CSMD1: variants seen among roughly 807,000 people sequenced by gnomAD.
CSMD1 encodes CUB and Sushi multiple domains 1.
Under a neutral mutation model 417.5 loss-of-function variants are expected in CSMD1, and 213 were observed. The ratio of observed to expected loss-of-function variants is 0.51; its 90% confidence interval spans 0.46 to 0.57. The LOEUF (loss-of-function observed/expected upper bound fraction) is 0.57. Among genes scored for constraint, CSMD1 ranks in the 20% least tolerant of loss-of-function variants. CSMD1 has a pLI of 0.00. For missense variants in CSMD1, 6,923 were observed against 4,529.7 expected (o/e 1.53, Z -15.17); for synonymous variants, 2,862 against 1,736.8 (o/e 1.65, Z -16.11).
intron 6 of CSMD1, among the ~76,000 whole-genome samples, chr8:3,721,876 A>G (rs926360397): frequency 6.6e-6 from 1 of 152,178 alleles, no homozygotes; most frequent in Non-Finnish European, 1.5e-5. Context: ...GCAGAGAATG[A>G]AGTGCCCGTT....
intron 1 of CSMD1, among the ~76,000 whole-genome samples, chr8:4,672,191 T>A (rs1398588989): frequency 6.6e-6 from 1 of 152,202 alleles, no homozygotes; most frequent in Non-Finnish European, 1.5e-5. Context: ...TCCTGGAACC[T>A]CAGGAAGAGA....
chr8:4,881,493 C>A (rs1397552718), intron 1 of CSMD1, among the ~76,000 whole-genome samples: 1 of 149,454 alleles, frequency 6.7e-6, no homozygotes, highest in East Asian at 2.0e-4. Context: ...AAACCCTTGC[C>A]TATAGAATTA....
At position 3,771,038 on chromosome 8, in the gene CSMD1, G is replaced by A. The variant is rs143926142; in HGVS notation, c.819-16996C>T. On this transcript the variant is annotated intron_variant, in intron 5 of 69. Transcript: ENST00000635120. ...TGTGTCTGTGTGTGTGTCTGCGTGC[G>A]TGTGTGTGTTTCATTTGCATGTCTG... Among the ~76,000 whole-genome samples, 948 of 152,060 alleles carry A rather than the reference G, an allele frequency of 6.2e-3. 5 individuals carry two copies. The highest frequency in any genetic ancestry group is 0.011 in the South Asian group (52 of 4,808).
intron 3 of CSMD1, among the ~76,000 whole-genome samples, chr8:4,238,815 G>A (rs1243568691): frequency 6.6e-6 from 1 of 152,072 alleles, no homozygotes; most frequent in African/African-American, 2.4e-5. Flanking sequence ...AAATGCTTTG[G>A]CCCACACTCA....
At chr8:3,399,555 T>A in intron 15 of CSMD1, 26 bp from the exon 16 acceptor site, 1 of 1,548,290 alleles carries the variant, frequency 6.5e-7, no homozygotes, top group African/African-American at 1.4e-5. Flanking sequence ...GAATATCTAT[T>A]AGATCCAATG....
chr8:4,844,719 G>T (rs755102079), intron 1 of CSMD1, among the ~76,000 whole-genome samples: 7 of 152,176 alleles, frequency 4.6e-5, no homozygotes, highest in African/African-American at 1.2e-4. Flanking sequence ...ACTAATTGTA[G>T]TGATAATTAT....
chr8:4,109,313 A>G (rs1338984966), intron 3 of CSMD1, among the ~76,000 whole-genome samples: 4 of 152,062 alleles, frequency 2.6e-5, no homozygotes, highest in African/African-American at 9.7e-5. Context: ...TTTTTTTTCT[A>G]TATTCCTCAA....
intron 23 of CSMD1, among the ~76,000 whole-genome samples, chr8:3,327,086 G>A (rs766185764): frequency 2.7e-4 from 41 of 151,440 alleles, no homozygotes; most frequent in Admixed American, 7.9e-4. Context: ...ACAGAAACAC[G>A]TGCAGAGTCA....
intron 12 of CSMD1, among the ~76,000 whole-genome samples, chr8:3,444,796 C>A (rs558081919): frequency 3.9e-5 from 6 of 152,116 alleles, no homozygotes; most frequent in Non-Finnish European, 5.9e-5. Flanking sequence ...CACCAGACAA[C>A]CAAATAATAT....
At chr8:3,355,058 T>A (rs1808691034) in intron 21 of CSMD1, among the ~76,000 whole-genome samples, 1 of 152,022 alleles carries the variant, frequency 6.6e-6, no homozygotes, top group Non-Finnish European at 1.5e-5. Flanking sequence ...AAATAACTTG[T>A]AATCCATTCA....
At chr8:3,939,339 T>G (rs1384404580) in intron 5 of CSMD1, among the ~76,000 whole-genome samples, 1 of 152,158 alleles carries the variant, frequency 6.6e-6, no homozygotes, top group Non-Finnish European at 1.5e-5. Flanking sequence ...AAAATGGTCC[T>G]AATTAAAAAG....
chr8:3,343,283 A>T lies in CSMD1; in HGVS notation c.3631+11T>A, dbSNP rs368001962. ...TGAAAAAAGAACGTGATTAAGTCGTATGTTACTTACTGGTATAGGTGAGTT... is the reference window on the plus strand; with the variant it reads ...TGAAAAAAGAACGTGATTAAGTCGTTTGTTACTTACTGGTATAGGTGAGTT... On this transcript the variant is annotated intron_variant, in intron 23 of 69. Coordinates refer to ENST00000635120, the MANE Select transcript of CSMD1 (RefSeq NM_033225.6). 1 of 1,610,526 alleles carries T rather than the reference A, an allele frequency of 6.2e-7. No homozygotes were observed. Among genetic ancestry groups the T allele is most frequent in the Non-Finnish European group, 8.5e-7 (1 of 1,177,046 alleles).
intron 37 of CSMD1, among the ~76,000 whole-genome samples, chr8:3,172,186 CT>C (rs1464393118): frequency 6.6e-6 from 1 of 152,128 alleles, no homozygotes; most frequent in African/African-American, 2.4e-5. Context: ...CTTTTTCAAC[CT>C]TCTTTCCTTT....
chr8:3,052,510 G>C lies in CSMD1; in HGVS notation c.7612C>G (p.Gln2538Glu), dbSNP rs781733656. 8 of 1,599,096 alleles carry C rather than the reference G, an allele frequency of 5.0e-6. No individual in the cohort carries two copies. The highest frequency in any genetic ancestry group is 6.8e-6 in the Non-Finnish European group (8 of 1,172,522). Residue 2538 changes from glutamine (Q) to glutamate (E), a missense_variant, in exon 50 of 70, where the codon CAA becomes GAA. By Grantham distance (29) the Gln-to-Glu change is conservative. Transcript: ENST00000635120. ...ESSQQATAVC[Q>E]EDGLWSNKGK... is the part of the protein sequence containing the mutation. ...TTGTTACTCCACAACCCATCTTCTT[G>C]ACACACGGCTGTTGCTTGCTGGCTG...
intron 2 of CSMD1, among the ~76,000 whole-genome samples, chr8:4,513,637 G>A (rs1440470459): frequency 6.6e-6 from 1 of 152,150 alleles, no homozygotes; most frequent in Non-Finnish European, 1.5e-5. Context: ...AAACAATGAA[G>A]TTAAAGGAAG....
At chr8:4,453,884 C>T (rs533326641) in intron 2 of CSMD1, among the ~76,000 whole-genome samples, 1 of 136,074 alleles carries the variant, frequency 7.3e-6, no homozygotes, top group African/African-American at 2.8e-5. Context: ...TGCACTGGCG[C>T]GACCTCGGCT....
chr8:3,385,623 T>C (rs1253180178), intron 18 of CSMD1, among the ~76,000 whole-genome samples: 1 of 152,188 alleles, frequency 6.6e-6, no homozygotes, highest in African/African-American at 2.4e-5. Flanking sequence ...CTATTAATTA[T>C]GGTGTTTTCT....
intron 5 of CSMD1, among the ~76,000 whole-genome samples, chr8:3,980,564 T>C (rs1360385033): frequency 6.6e-6 from 1 of 152,212 alleles, no homozygotes; most frequent in Non-Finnish European, 1.5e-5. Flanking sequence ...CCACTCAAAT[T>C]CGTAGTGAAA....
intron 7 of CSMD1, among the ~76,000 whole-genome samples, chr8:3,694,130 G>C (rs1200221833): frequency 6.6e-6 from 1 of 151,732 alleles, no homozygotes; most frequent in Non-Finnish European, 1.5e-5. Flanking sequence ...GCTGTGTGTG[G>C]CGTGGTGTGT....
Sources: gnomAD v4.1 joint callset for allele counts (sites outside exome capture counted in the v4.1 genomes callset) on GRCh38, gnomAD v4.1.1 for gene constraint, MANE v1.5 for transcripts, NCBI Gene and HGNC (gene_info 2026-07-23, HGNC 2026-07-21) for gene names.